Variants in CENPC observed in about 807,000 individuals in gnomAD.
CENPC encodes centromere protein C.
CENPC carries 63 observed loss-of-function variants against 112.1 expected under a neutral mutation model. That is an observed-to-expected ratio of 0.56 (90% CI 0.46 to 0.69). The LOEUF (loss-of-function observed/expected upper bound fraction) is 0.69, where lower values mean the gene tolerates loss of function less well. Ranked by LOEUF, CENPC falls within the 30% of genes least tolerant of loss-of-function variation. The pLI is 0.00. For synonymous variants in CENPC, 333 were observed against 367.6 expected (o/e 0.91, Z 1.08); for missense variants, 1,000 against 1,103.8 (o/e 0.91, Z 1.33).
intron 17 of CENPC, among the ~76,000 whole-genome samples, chr4:67,481,499 C>T (rs976991346): frequency 2.0e-5 from 3 of 152,164 alleles, no homozygotes; most frequent in Non-Finnish European, 4.4e-5. Flanking sequence ...TACCTGACTT[C>T]AAACTATACT....
rs1724606608 is a variant in CENPC, at chr4:67,469,849, G to A, written c.*2756C>T. 2.6e-5 allele frequency: 4 copies of A among 152,194 alleles called. No individual in the cohort carries two copies. Among genetic ancestry groups the A allele is most frequent in the Admixed American group, 2.6e-4 (4 of 15,290 alleles). 9.4% of individuals were successfully genotyped at this position (152,194 alleles called of 1,614,324 possible). A position where few individuals can be genotyped will look rare whatever the true frequency, so the allele number is the denominator to read the frequency against. On this transcript the variant is annotated 3_prime_UTR_variant, in exon 19 of 19. Transcript: ENST00000273853. ...AGAAAGATCACAATTTAGGGCTGTTGAGAAAACTGAATTGTGATGCAGGGT... is the reference window on the plus strand; with the variant it reads ...AGAAAGATCACAATTTAGGGCTGTTAAGAAAACTGAATTGTGATGCAGGGT...
At position 67,470,583 on chromosome 4, in the gene CENPC, A is replaced by AAAAAAAAAAAT. The variant is rs58690134; in HGVS notation, c.*2021_*2022insATTTTTTTTTT. 9.0e-6 allele frequency: 1 copy of AAAAAAAAAAAT among 110,632 alleles called. No homozygotes were observed. 6.9% of individuals were successfully genotyped at this position (110,632 alleles called of 1,614,324 possible). A position where few individuals can be genotyped will look rare whatever the true frequency, so the allele number is the denominator to read the frequency against. ...GTGAAACTCTGCCTCAAAAAAAAAA[A>AAAAAAAAAAAT]AAAAGAAAAGAAAAGAAAAAAGAAA... On this transcript the variant is annotated 3_prime_UTR_variant, in exon 19 of 19. Transcript: ENST00000273853.
At chr4:67,515,220 C>T (rs1330118420) in intron 7 of CENPC, among the ~76,000 whole-genome samples, 1 of 149,982 alleles carries the variant, frequency 6.7e-6, no homozygotes, top group Non-Finnish European at 1.5e-5. Flanking sequence ...AATCCCAGCA[C>T]TTTGGGAGGC....
Position 67,509,108 on chromosome 4 carries a change from G to A in CENPC, c.1613-3C>T. 1 of 1,597,068 alleles carries A rather than the reference G, an allele frequency of 6.3e-7. No individual in the cohort carries two copies. On this transcript the variant is annotated splice_polypyrimidine_tract_variant and splice_region_variant and intron_variant, in intron 9 of 18. Coordinates refer to ENST00000273853, the MANE Select transcript of CENPC (RefSeq NM_001812.4). The stretch of plus-strand genomic sequence containing the variant: ...TGAAGAATTGCTATAAACAGGACCT[G>A]AAGGATTCAATGATAACCTAAAGTT...
intron 4 of CENPC, among the ~76,000 whole-genome samples, chr4:67,534,849 A>G (rs1428658823): frequency 6.6e-6 from 1 of 152,204 alleles, no homozygotes; most frequent in Non-Finnish European, 1.5e-5. Flanking sequence ...ATCACTGGAC[A>G]TATGAAAAAG....
intron 17 of CENPC, among the ~76,000 whole-genome samples, chr4:67,487,122 C>T (rs1056801368): frequency 1.3e-5 from 2 of 151,982 alleles, no homozygotes; most frequent in African/African-American, 4.8e-5. Flanking sequence ...ATCCCAATAG[C>T]TTATCAGGGA....
intron 8 of CENPC, among the ~76,000 whole-genome samples, chr4:67,512,904 T>C (rs1725937221): frequency 6.6e-6 from 1 of 152,168 alleles, no homozygotes; most frequent in South Asian, 2.1e-4. Context: ...TGCTTTCCTG[T>C]TTTGAAATAA....
At chr4:67,528,621 G>A (rs1578002727) in intron 5 of CENPC, among the ~76,000 whole-genome samples, 2 of 152,116 alleles carry the variant, frequency 1.3e-5, no homozygotes, top group African/African-American at 4.8e-5. Context: ...ATGTGTTCAA[G>A]ATTCTTCTAT....
chr4:67,491,606 G>A (rs969584366), intron 16 of CENPC, among the ~76,000 whole-genome samples: 8 of 150,140 alleles, frequency 5.3e-5, no homozygotes, highest in Non-Finnish European at 1.0e-4. Flanking sequence ...TACATGACCT[G>A]CTAGAGACTA....
At position 67,469,919 on chromosome 4, in the gene CENPC, C is replaced by T. The variant is rs1384836321; in HGVS notation, c.*2686G>A. 2 of 152,182 alleles carry T rather than the reference C, an allele frequency of 1.3e-5. No individual in the cohort carries two copies. Among genetic ancestry groups the T allele is most frequent in the African/African-American group, 4.8e-5 (2 of 41,424 alleles). The allele number at this position is 152,182 out of a possible 1,614,324, so 9.4% of individuals were successfully genotyped here. A position where few individuals can be genotyped will look rare whatever the true frequency, so the allele number is the denominator to read the frequency against. On this transcript the variant is annotated 3_prime_UTR_variant, in exon 19 of 19. Coordinates refer to ENST00000273853, the MANE Select transcript of CENPC (RefSeq NM_001812.4). ...TGAAAAAGAGCTCCAGAAATCTGCACGAGGTGCCCAAGAACAGAACTTTCT... is the reference window on the plus strand; with the variant it reads ...TGAAAAAGAGCTCCAGAAATCTGCATGAGGTGCCCAAGAACAGAACTTTCT...
rs1725700847 is a variant in CENPC, at chr4:67,505,223, C to T, written c.2113G>A (p.Glu705Lys). Residue 705 changes from glutamate to lysine, a missense_variant, in exon 12 of 19, where the codon GAA becomes AAA. By Grantham distance (56) the Glu-to-Lys change is moderately conservative. Coordinates refer to ENST00000273853, the MANE Select transcript of CENPC (RefSeq NM_001812.4). ...MSGKNDVDDE[E>K]VHGSSDDSKQ... ...AGTTTACCTGAACTTCCATGAACTT[C>T]CTCATCATCCACATCATTCTTTCCA... 16 of 1,581,822 alleles carry T rather than the reference C, an allele frequency of 1.0e-5. No homozygotes were observed. Among genetic ancestry groups the T allele is most frequent in the African/African-American group, 1.3e-5 (1 of 74,086 alleles).
chr4:67,540,288 T>C (rs1403914647), intron 3 of CENPC, among the ~76,000 whole-genome samples: 2 of 152,240 alleles, frequency 1.3e-5, no homozygotes, highest in African/African-American at 4.8e-5. Flanking sequence ...CTGTAATTTA[T>C]GACTTCCTTA....
At chr4:67,515,187 C>T (rs1560434875) in intron 7 of CENPC, among the ~76,000 whole-genome samples, 1 of 151,912 alleles carries the variant, frequency 6.6e-6, no homozygotes, top group African/African-American at 2.4e-5. Flanking sequence ...TTGAGGAGGC[C>T]GGATGTGGTG....
Position 67,490,035 on chromosome 4 carries a change from A to C in CENPC, c.2602T>G (p.Ser868Ala). 2.5e-6 allele frequency: 4 copies of C among 1,602,700 alleles called. No individual in the cohort carries two copies. In the South Asian group the frequency reaches 4.5e-5, roughly 18 times the overall value. ...VYKTLDTPFF[S>A]TGKLILGPQE... is the part of the protein sequence containing the mutation. ...GGTCCTAATATCAATTTCCCAGTAGAAAAAAAGGGTGTATCCAATGTCTTG... is the reference window on the plus strand; with the variant it reads ...GGTCCTAATATCAATTTCCCAGTAGCAAAAAAGGGTGTATCCAATGTCTTG... Residue 868 changes from serine (S) to alanine (A), a missense_variant, in exon 17 of 19, where the codon TCT (serine) becomes GCT (alanine). Transcript: ENST00000273853.
At chr4:67,483,860 T>C (rs1725019425) in intron 17 of CENPC, among the ~76,000 whole-genome samples, 1 of 152,190 alleles carries the variant, frequency 6.6e-6, no homozygotes, top group Non-Finnish European at 1.5e-5. Context: ...GGTTGAATTT[T>C]AAGTATTACA....
chr4:67,501,838 G>A (rs530109726), intron 12 of CENPC, among the ~76,000 whole-genome samples: 18 of 152,322 alleles, frequency 1.2e-4, no homozygotes, highest in African/African-American at 4.3e-4. Flanking sequence ...AGAGGAGGCA[G>A]GGAGGGAGAT....
intron 12 of CENPC, among the ~76,000 whole-genome samples, chr4:67,498,348 T>C (rs920728813): frequency 1.3e-5 from 2 of 152,234 alleles, no homozygotes; most frequent in African/African-American, 4.8e-5. Flanking sequence ...GACTGCTGAC[T>C]GATCAGGCTG....
At position 67,540,871 on chromosome 4, in the gene CENPC, A is replaced by G. The variant is rs146423997; in HGVS notation, c.136+109T>C. On this transcript the variant is annotated intron_variant, in intron 3 of 18. Transcript: ENST00000273853. Reference sequence around the variant, plus strand: ...CAAAATACCAGGGAAAATATTTTCCATATATTTAAACCCTAGAACATATTT... The same window carrying G: ...CAAAATACCAGGGAAAATATTTTCCGTATATTTAAACCCTAGAACATATTT... The G allele has an allele frequency of 1.2e-3, 914 of 781,158 alleles. 4 individuals carry two copies. In the African/African-American group the frequency reaches 0.015, roughly 13 times the overall value. 48.4% of individuals were successfully genotyped at this position (781,158 alleles called of 1,614,324 possible). A position where few individuals can be genotyped will look rare whatever the true frequency, so the allele number is the denominator to read the frequency against.
At chr4:67,487,857 T>C (rs1364653221) in intron 17 of CENPC, among the ~76,000 whole-genome samples, 1 of 151,748 alleles carries the variant, frequency 6.6e-6, no homozygotes, top group Non-Finnish European at 1.5e-5. Flanking sequence ...TCTCTAGCAG[T>C]GTTTGAAAGA....
Sources: gnomAD v4.1 joint callset for allele counts (sites outside exome capture counted in the v4.1 genomes callset) on GRCh38, gnomAD v4.1.1 for gene constraint, MANE v1.5 for transcripts, NCBI Gene and HGNC (gene_info 2026-07-23, HGNC 2026-07-21) for gene names.